Variants in CUBN observed in about 807,000 individuals in gnomAD.
The protein encoded by CUBN is cubilin.
Under a neutral mutation model 405.3 loss-of-function variants are expected in CUBN, and 282 were observed. The ratio of observed to expected loss-of-function variants is 0.70; its 90% CI spans 0.63 to 0.77. The LOEUF (loss-of-function observed/expected upper bound fraction) is 0.77. CUBN is among the 30% of genes least tolerant of loss of function. CUBN has a pLI of 0.00. For missense variants in CUBN, 4,514 were observed against 4,475.2 expected, an observed-to-expected ratio of 1.01 and a Z score of -0.25; for synonymous variants, 1,684 against 1,617.0, an observed-to-expected ratio of 1.04 and a Z score of -0.99.
At chr10:16,875,708 G>A (rs797021588) in intron 57 of CUBN, among the ~76,000 whole-genome samples, 4 of 152,230 alleles carry the variant, frequency 2.6e-5, no homozygotes, top group African/African-American at 9.6e-5. Flanking sequence ...TCCCATCTTT[G>A]CACAATATCA....
chr10:16,850,877 T>C (rs1839665654), intron 60 of CUBN, among the ~76,000 whole-genome samples: 1 of 152,246 alleles, frequency 6.6e-6, no homozygotes. Flanking sequence ...GGTGATTATT[T>C]GTGTCACTGA....
chr10:17,048,476 T>C (rs935646590), intron 22 of CUBN, among the ~76,000 whole-genome samples: 1 of 151,956 alleles, frequency 6.6e-6, no homozygotes, highest in Admixed American at 6.5e-5. Context: ...TTGAATGCTT[T>C]TGTTTTTGTT....
At chr10:16,890,555 T>C in intron 54 of CUBN, 28 bp from the exon 55 acceptor site, 2 of 1,613,580 alleles carry the variant, frequency 1.2e-6, no homozygotes, top group Non-Finnish European at 1.7e-6. Context: ...AGAACTTTAA[T>C]GCTCAAGGGT....
At chr10:16,838,156 C>T (rs113782851) in intron 62 of CUBN, among the ~76,000 whole-genome samples, 1,937 of 152,302 alleles carry the variant, frequency 0.013, 41 homozygotes, top group African/African-American at 0.045. Flanking sequence ...TTGCACCAAA[C>T]TCAGCAAGTC....
chr10:16,963,817 G>GTGAC (rs1424057199), intron 31 of CUBN, among the ~76,000 whole-genome samples: 3 of 152,212 alleles, frequency 2.0e-5, no homozygotes, highest in African/African-American at 7.2e-5. Flanking sequence ...TATGTAGCGT[G>GTGAC]TGACATGATG....
chr10:17,044,857 A>G lies in CUBN; in HGVS notation c.3672+150T>C, dbSNP rs181506035. 1.1e-3 allele frequency: 894 copies of G among 811,490 alleles called. 3 individuals are homozygous for G. The highest frequency in any genetic ancestry group is 4.2e-4 in the Non-Finnish European group (206 of 489,306). 50.3% of individuals were successfully genotyped at this position (811,490 alleles called of 1,614,324 possible). A position where few individuals can be genotyped will look rare whatever the true frequency, so the allele number is the denominator to read the frequency against. On this transcript the variant is annotated intron_variant, in intron 25 of 66. Transcript: ENST00000377833. ...CTTCGAAGATGGTCACTTTCACCAAATTTCTTTTATGTTTTTATTTTGTTT... is the reference window on the plus strand; with the variant it reads ...CTTCGAAGATGGTCACTTTCACCAAGTTTCTTTTATGTTTTTATTTTGTTT...
At position 16,954,474 on chromosome 10, in the gene CUBN, G is replaced by C. The variant is rs529907907; in HGVS notation, c.4770C>G (p.Ile1590Met). 3.8e-5 allele frequency: 61 copies of C among 1,614,056 alleles called. No individual in the cohort carries two copies. The East Asian group carries it at 1.2e-3, about 32-fold the overall frequency. The change falls in exon 32 of 67, where the codon ATC (isoleucine) becomes ATG (methionine). Residue 1590 changes from isoleucine to methionine, a missense_variant. Around this residue, in one of 5 missense-constraint regions of CUBN, gnomAD observed 1,613 missense variants for 1,542.8 expected, o/e 1.05. Coordinates refer to ENST00000377833, the MANE Select transcript of CUBN (RefSeq NM_001081.4). ...AGAAGAGGCTGTTTCCTGAGGAGACGATGGGGTTAGCCAGCTGCTCCCTTC... is the reference window on the plus strand; with the variant it reads ...AGAAGAGGCTGTTTCCTGAGGAGACCATGGGGTTAGCCAGCTGCTCCCTTC... ...TCGREQLANP[I>M]VSSGNSLFLR...
chr10:17,012,409 G>T (rs1452186277), intron 28 of CUBN, among the ~76,000 whole-genome samples: 1 of 152,218 alleles, frequency 6.6e-6, no homozygotes, highest in Non-Finnish European at 1.5e-5. Flanking sequence ...CCCAAAGAAG[G>T]TGCAAAGTCC....
At chr10:16,954,359 TG>T (rs1842993226) in intron 32 of CUBN, 29 bp downstream of exon 32, 1 of 1,613,578 alleles carries the variant, frequency 6.2e-7, no homozygotes, top group Admixed American at 1.7e-5. Context: ...AGATTTCTCT[TG>T]TGCCTGGGAA....
chr10:16,855,068 TCCTCC>T (rs1261086439), intron 59 of CUBN, among the ~76,000 whole-genome samples: 4 of 65,342 alleles, frequency 6.1e-5, no homozygotes, highest in East Asian at 5.2e-4. Flanking sequence ...CCCTCCTCTC[TCCTCC>T]CCTCCCCTCC....
intron 62 of CUBN, among the ~76,000 whole-genome samples, chr10:16,837,240 G>A (rs1438486910): frequency 3.3e-5 from 5 of 151,922 alleles, no homozygotes; most frequent in African/African-American, 1.2e-4. Context: ...TGGTTCTCCA[G>A]CAGCCTCCTG....
chr10:16,915,562 C>T lies in CUBN; in HGVS notation c.7210+259G>A, dbSNP rs183230545. Among the ~76,000 whole-genome samples, 882 of 152,224 alleles carry T rather than the reference C, an allele frequency of 5.8e-3. 32 individuals are homozygous for T. Among genetic ancestry groups the T allele is most frequent in the Admixed American group, 0.054 (831 of 15,286 alleles). On this transcript the variant is annotated intron_variant, in intron 46 of 66. Coordinates refer to ENST00000377833, the MANE Select transcript of CUBN (RefSeq NM_001081.4). ...ATGTGGCAATGGGATGTCTCAGCAGCAAGAGGTGCCTTCCCACTACCGTTG... is the reference window on the plus strand; with the variant it reads ...ATGTGGCAATGGGATGTCTCAGCAGTAAGAGGTGCCTTCCCACTACCGTTG...
intron 17 of CUBN, among the ~76,000 whole-genome samples, chr10:17,077,341 A>G (rs1169358802): frequency 4.6e-5 from 7 of 152,184 alleles, no homozygotes; most frequent in Non-Finnish European, 7.4e-5. Context: ...ATGATTTTCT[A>G]TAGAGAGAAC....
intron 28 of CUBN, among the ~76,000 whole-genome samples, chr10:16,994,681 C>A (rs958899729): frequency 1.3e-5 from 2 of 152,078 alleles, no homozygotes; most frequent in Non-Finnish European, 2.9e-5. Flanking sequence ...GTTGAATGAA[C>A]AATAAAATGT....
intron 31 of CUBN, among the ~76,000 whole-genome samples, chr10:16,976,058 C>G (rs1833084293): frequency 6.6e-6 from 1 of 150,838 alleles, no homozygotes; most frequent in South Asian, 2.1e-4. Context: ...GCAACTCCTG[C>G]CTTCCACCCT....
chr10:17,045,620 G>A (rs1437557774), intron 24 of CUBN, among the ~76,000 whole-genome samples: 2 of 151,902 alleles, frequency 1.3e-5, no homozygotes, highest in Admixed American at 1.3e-4. Flanking sequence ...CCTGACCTCA[G>A]GTGATCCCCC....
intron 25 of CUBN, 57 bp downstream of exon 25, chr10:17,044,950 A>T: frequency 6.7e-7 from 1 of 1,489,270 alleles, no homozygotes; most frequent in Non-Finnish European, 9.4e-7. Context: ...AAATAAGTGC[A>T]TTGTGCGTTG....
intron 66 of CUBN, among the ~76,000 whole-genome samples, chr10:16,828,086 C>T (rs375495126): frequency 2.7e-4 from 41 of 152,202 alleles, no homozygotes; most frequent in African/African-American, 9.9e-4. Flanking sequence ...GCCACGTGTC[C>T]AAATTTTCTA....
intron 56 of CUBN, among the ~76,000 whole-genome samples, chr10:16,882,045 C>T (rs1448086818): frequency 6.6e-6 from 1 of 152,164 alleles, no homozygotes; most frequent in Non-Finnish European, 1.5e-5. Flanking sequence ...ATACACAACA[C>T]TCTCATAATT....
Sources: allele counts gnomAD v4.1 joint callset (sites outside exome capture counted in the v4.1 genomes callset), GRCh38; gene constraint gnomAD v4.1.1; regional missense constraint gnomAD v4.1.1; transcripts MANE v1.5; gene names NCBI Gene and HGNC (gene_info 2026-07-23, HGNC 2026-07-21).